KLHL29: variants seen among roughly 807,000 people sequenced by gnomAD.
KLHL29 encodes kelch-like protein 29.
Under a neutral mutation model 80.4 loss-of-function variants are expected in KLHL29, and 21 were observed. That is an observed-to-expected ratio of 0.26 (90% CI 0.19 to 0.38). The LOEUF (loss-of-function observed/expected upper bound fraction) is 0.38, where lower values mean the gene tolerates loss of function less well. Ranked by LOEUF, KLHL29 falls within the 10% of genes least tolerant of loss-of-function variation. The pLI is 1.00. For synonymous variants in KLHL29, 511 were observed against 526.8 expected, an observed-to-expected ratio of 0.97 and a Z score of 0.41; for missense variants, 867 against 1,223.9, an observed-to-expected ratio of 0.71 and a Z score of 4.35.
At chr2:23,692,202 T>C (rs1019122131) in intron 7 of KLHL29, among the ~76,000 whole-genome samples, 2 of 152,262 alleles carry the variant, frequency 1.3e-5, no homozygotes, top group East Asian at 3.8e-4. Flanking sequence ...GCTATGGCCC[T>C]GGCCTCACAG....
intron 6 of KLHL29, chr2:23,685,146 G>A (rs1039563745): frequency 1.3e-5 from 2 of 152,464 alleles, no homozygotes; most frequent in Non-Finnish European, 2.9e-5. Flanking sequence ...GACCAGGTGT[G>A]TCCTAAACAC....
intron 1 of KLHL29, among the ~76,000 whole-genome samples, chr2:23,391,454 T>A (rs1474019608): frequency 6.6e-6 from 1 of 151,948 alleles, no homozygotes; most frequent in African/African-American, 2.4e-5. Flanking sequence ...TGAGACGGGG[T>A]TTTGATCTTG....
At position 23,436,284 on chromosome 2, in the gene KLHL29, GTGTGTGTGT is replaced by G. The variant is rs1311313798; in HGVS notation, c.-153-39275_-153-39267del. 1.2e-4 allele frequency among the ~76,000 whole-genome samples: 4 copies of G among 33,262 alleles called. No individual in the cohort carries two copies. In the East Asian group the frequency reaches 5.0e-3, roughly 41 times the overall value. The allele number at this position is 33,262 out of a possible 152,430, so 21.8% of individuals were successfully genotyped here. On this transcript the variant is annotated intron_variant, in intron 1 of 13. Coordinates refer to ENST00000486442, the MANE Select transcript of KLHL29 (RefSeq NM_052920.2). ...GAAGTAAATAGCCAATCAGCTTTGT[GTGTGTGTGT>G]GTGTGTGTGTGTGTGTGTGTGTGTG...
chr2:23,574,186 A>G (rs1041571520), intron 3 of KLHL29, among the ~76,000 whole-genome samples: 4 of 152,048 alleles, frequency 2.6e-5, no homozygotes, highest in African/African-American at 9.7e-5. Flanking sequence ...GAAGAAGGAA[A>G]AGGTCACTGT....
intron 2 of KLHL29, among the ~76,000 whole-genome samples, chr2:23,525,097 G>A (rs1030424653): frequency 2.6e-5 from 4 of 152,232 alleles, no homozygotes; most frequent in African/African-American, 9.6e-5. Flanking sequence ...TGCAGCTATG[G>A]CACTGATGCT....
intron 3 of KLHL29, among the ~76,000 whole-genome samples, chr2:23,574,156 C>T (rs946158097): frequency 4.6e-5 from 7 of 152,084 alleles, no homozygotes; most frequent in African/African-American, 1.7e-4. Context: ...GAGCTCAGCG[C>T]CACTTTGGAG....
At chr2:23,566,921 C>T (rs779317092) in intron 3 of KLHL29, among the ~76,000 whole-genome samples, 14 of 152,224 alleles carry the variant, frequency 9.2e-5, no homozygotes, top group South Asian at 2.1e-4. Context: ...CCTGTCCCCC[C>T]CTGGTGGTTG....
chr2:23,565,951 C>T (rs1226401921), intron 3 of KLHL29, among the ~76,000 whole-genome samples: 1 of 152,220 alleles, frequency 6.6e-6, no homozygotes, highest in South Asian at 2.1e-4. Context: ...CATCCCATGC[C>T]ATCACCCTCC....
Position 23,627,857 on chromosome 2 carries a change from T to TA in KLHL29, c.286-11274dup, listed in dbSNP as rs952324006. 1.2e-4 allele frequency among the ~76,000 whole-genome samples: 18 copies of TA among 149,740 alleles called. No individual in the cohort carries two copies. In the South Asian group the frequency reaches 1.5e-3, roughly 12 times the overall value. On this transcript the variant is annotated intron_variant, in intron 3 of 13. Transcript: ENST00000486442. ...CCCAGTGAGTCTTTGTTTGCAATTT[T>TA]AAAAAAAACCAGGAATGCTCTGCCC... is the stretch of plus-strand genomic sequence containing the variant.
At position 23,544,848 on chromosome 2, in the gene KLHL29, G is replaced by T. The variant is rs370527780; in HGVS notation, c.-45-17304G>T. 1.6e-3 allele frequency among the ~76,000 whole-genome samples: 247 copies of T among 152,310 alleles called. 5 individuals carry two copies. In the South Asian group the frequency reaches 0.045, roughly 28 times the overall value. On this transcript the variant is annotated intron_variant, in intron 2 of 13. Transcript: ENST00000486442. ...GCCAGCATGTTGGAACAGAGGGGCA[G>T]GGGGAGACCAAACAAGAGAGGGGAG...
chr2:23,452,696 C>T (rs1231156925), intron 1 of KLHL29, among the ~76,000 whole-genome samples: 1 of 152,202 alleles, frequency 6.6e-6, no homozygotes, highest in Non-Finnish European at 1.5e-5. Context: ...CTCTTATATA[C>T]TGATATACAG....
intron 3 of KLHL29, among the ~76,000 whole-genome samples, chr2:23,630,275 A>C (rs992000490): frequency 3.9e-5 from 6 of 152,174 alleles, no homozygotes; most frequent in Non-Finnish European, 5.9e-5. Flanking sequence ...GCAGGCACCT[A>C]GGGAGGGCTT....
chr2:23,642,917 C>A, intron 5 of KLHL29, 67 bp downstream of exon 5: 1 of 1,521,654 alleles, frequency 6.6e-7, no homozygotes, highest in African/African-American at 1.4e-5. Flanking sequence ...GTCACTGCAA[C>A]ACCACCGGGA....
At chr2:23,412,436 A>G (rs1666887763) in intron 1 of KLHL29, among the ~76,000 whole-genome samples, 1 of 152,158 alleles carries the variant, frequency 6.6e-6, no homozygotes, top group African/African-American at 2.4e-5. Context: ...GGAGAGAATC[A>G]TGAGCCATGC....
At chr2:23,507,209 G>A (rs959808858) in intron 2 of KLHL29, 4 of 315,576 alleles carry the variant, frequency 1.3e-5, no homozygotes, top group Non-Finnish European at 2.9e-5. Context: ...CCACACACCT[G>A]TAAGCACCAT....
At chr2:23,687,560 C>T (rs1174804023) in intron 6 of KLHL29, among the ~76,000 whole-genome samples, 1 of 152,182 alleles carries the variant, frequency 6.6e-6, no homozygotes, top group African/African-American at 2.4e-5. Flanking sequence ...CAGCTGAGCC[C>T]ACAGTCTGGT....
chr2:23,695,976 TG>T lies in KLHL29; in HGVS notation c.1772del (p.Gly591AlafsTer7). 6.4e-7 allele frequency: 1 copy of T among 1,551,522 alleles called. No homozygotes were observed. Among genetic ancestry groups the T allele is most frequent in the African/African-American group, 1.4e-5 (1 of 73,130 alleles). Reference protein sequence around the residue: ...AGVAEVIVLVGGRQMVGMTQR... With the variant: ...AGVAEVIVLVXGRQMVGMTQR... The stretch of plus-strand genomic sequence containing the variant: ...GTGTGGCTGAGGTCATCGTCTTGGT[TG>T]GGGGCCGTCAGATGGTGGGGATGAC... On this transcript the variant is annotated frameshift_variant, in exon 10 of 14. Coordinates refer to ENST00000486442, the MANE Select transcript of KLHL29 (RefSeq NM_052920.2). LOFTEE classifies it high-confidence loss of function. This position sits in a 1 kb window ranked among gnomAD's most constrained non-coding sequence, Gnocchi z 7.6.
intron 1 of KLHL29, among the ~76,000 whole-genome samples, chr2:23,395,561 A>G (rs1666432405): frequency 6.6e-6 from 1 of 152,162 alleles, no homozygotes; most frequent in Admixed American, 6.5e-5. Flanking sequence ...CCTCATCAAC[A>G]TGGTGAAACC....
At chr2:23,527,716 C>T (rs1196671477) in intron 2 of KLHL29, among the ~76,000 whole-genome samples, 1 of 152,228 alleles carries the variant, frequency 6.6e-6, no homozygotes, top group Non-Finnish European at 1.5e-5. Context: ...ATGGGTTGTG[C>T]TCTCATTTCA....
Sources: allele counts gnomAD v4.1 joint callset (sites outside exome capture counted in the v4.1 genomes callset), GRCh38; gene constraint gnomAD v4.1.1; non-coding constraint Gnocchi (gnomAD v3.1); transcripts MANE v1.5; gene names NCBI Gene and HGNC (gene_info 2026-07-23, HGNC 2026-07-21).